ATXN7L1: variants seen among roughly 807,000 people sequenced by gnomAD.
ATXN7L1 encodes ataxin-7-like protein 1.
Under a neutral mutation model 70.8 loss-of-function variants are expected in ATXN7L1, and 15 were observed. The observed-to-expected ratio is 0.21, with a 90% CI of 0.14 to 0.33. The LOEUF is 0.33. Ranked by LOEUF, ATXN7L1 falls within the 10% of genes least tolerant of loss-of-function variation. The probability of loss-of-function intolerance (pLI) is 1.00; values close to 1 mark genes in which losing one functional copy is unlikely to be tolerated. For synonymous variants in ATXN7L1, 440 were observed against 445.1 expected (o/e 0.99, Z 0.14); for missense variants, 975 against 1,097.1 (o/e 0.89, Z 1.57).
At chr7:105,869,767 C>T (rs1817976030) in intron 2 of ATXN7L1, among the ~76,000 whole-genome samples, 1 of 152,110 alleles carries the variant, frequency 6.6e-6, no homozygotes, top group Admixed American at 6.5e-5. Flanking sequence ...CAAGTGTAGG[C>T]TTCCAAGAGA....
intron 3 of ATXN7L1, among the ~76,000 whole-genome samples, chr7:105,771,056 TG>T (rs1168508954): frequency 1.3e-5 from 2 of 151,752 alleles, no homozygotes; most frequent in Non-Finnish European, 2.9e-5. Flanking sequence ...AAAAATCAGC[TG>T]GGTGTGGTGG....
chr7:105,752,364 A>C (rs1259540257), intron 3 of ATXN7L1, among the ~76,000 whole-genome samples: 1 of 152,180 alleles, frequency 6.6e-6, no homozygotes, highest in Non-Finnish European at 1.5e-5. Context: ...ATGAGTGACA[A>C]CGTATGTGTT....
chr7:105,736,308 C>T (rs1030009695), intron 3 of ATXN7L1, among the ~76,000 whole-genome samples: 2 of 152,224 alleles, frequency 1.3e-5, no homozygotes, highest in African/African-American at 4.8e-5. Context: ...GAACTGCTTG[C>T]CACGTGTGCT....
At chr7:105,646,744 G>A (rs1301533135) in intron 4 of ATXN7L1, among the ~76,000 whole-genome samples, 2 of 131,288 alleles carry the variant, frequency 1.5e-5, no homozygotes, top group Non-Finnish European at 1.5e-5. Context: ...GACCAGCCTG[G>A]ACAACACCGT....
rs1001389393 is a variant in ATXN7L1 at position 105,821,934 on chromosome 7, C to T, written c.251-33226G>A. Among the ~76,000 whole-genome samples the T allele has an allele frequency of 4.6e-5, 7 of 152,322 alleles. No individual in the cohort carries two copies. In the East Asian group the frequency reaches 9.6e-4, roughly 21 times the overall value. ...ACGCCAGAAATGCAGTTTTGCTATA[C>T]GGTGACATTGCACATACTCCAAGTG... On this transcript the variant is annotated intron_variant, in intron 2 of 11. Transcript: ENST00000419735.
At chr7:105,684,675 C>T (rs929613737) in intron 3 of ATXN7L1, among the ~76,000 whole-genome samples, 2 of 152,190 alleles carry the variant, frequency 1.3e-5, no homozygotes, top group Non-Finnish European at 2.9e-5. Context: ...TCTGCTCTCC[C>T]TCCCAAATCT....
intron 3 of ATXN7L1, among the ~76,000 whole-genome samples, chr7:105,772,739 A>T (rs934071904): frequency 6.6e-6 from 1 of 152,224 alleles, no homozygotes; most frequent in African/African-American, 2.4e-5. Flanking sequence ...CAAACAAAAA[A>T]TGGCAAGAAT....
At chr7:105,861,310 G>A (rs1024984627) in intron 2 of ATXN7L1, among the ~76,000 whole-genome samples, 3 of 152,132 alleles carry the variant, frequency 2.0e-5, no homozygotes, top group African/African-American at 7.2e-5. Flanking sequence ...ATTTTCAGAA[G>A]ATTAATTTTT....
At chr7:105,706,646 C>T (rs1563023049) in intron 3 of ATXN7L1, among the ~76,000 whole-genome samples, 1 of 152,244 alleles carries the variant, frequency 6.6e-6, no homozygotes, top group Admixed American at 6.5e-5. Flanking sequence ...CTATGCCAGC[C>T]ACCAGCATCC....
intron 3 of ATXN7L1, among the ~76,000 whole-genome samples, chr7:105,737,760 G>A (rs1454358531): frequency 1.3e-5 from 2 of 152,136 alleles, no homozygotes; most frequent in East Asian, 1.9e-4. Context: ...ATGAAGGGGC[G>A]GAAGGAGTAA....
intron 7 of ATXN7L1, among the ~76,000 whole-genome samples, chr7:105,635,285 A>T (rs1407007590): frequency 6.6e-6 from 1 of 152,194 alleles, no homozygotes; most frequent in Non-Finnish European, 1.5e-5. Context: ...TGGAGCAAGC[A>T]ATGTGTTCCT....
chr7:105,637,455 T>A (rs2115892430), intron 7 of ATXN7L1, among the ~76,000 whole-genome samples: 1 of 152,340 alleles, frequency 6.6e-6, no homozygotes, highest in East Asian at 1.9e-4. Context: ...TTCCTTTTTA[T>A]AAAAATTATG....
At chr7:105,790,714 T>TCTAC (rs1805097225) in intron 2 of ATXN7L1, among the ~76,000 whole-genome samples, 1 of 150,974 alleles carries the variant, frequency 6.6e-6, no homozygotes, top group Admixed American at 6.6e-5. Flanking sequence ...TATCTATCTA[T>TCTAC]CTATCTGACA....
At chr7:105,802,156 G>C (rs1585040341) in intron 2 of ATXN7L1, among the ~76,000 whole-genome samples, 1 of 152,154 alleles carries the variant, frequency 6.6e-6, no homozygotes, top group East Asian at 1.9e-4. Context: ...CTGCAGTCTT[G>C]ATACCCAAGT....
intron 3 of ATXN7L1, among the ~76,000 whole-genome samples, chr7:105,685,177 C>T (rs988110837): frequency 1.3e-5 from 2 of 152,136 alleles, no homozygotes; most frequent in African/African-American, 4.8e-5. Context: ...GGAGCACTGA[C>T]ATCCAAGAGC....
intron 3 of ATXN7L1, among the ~76,000 whole-genome samples, chr7:105,767,873 C>T (rs1318614357): frequency 6.6e-6 from 1 of 152,232 alleles, no homozygotes; most frequent in Non-Finnish European, 1.5e-5. Context: ...TTCTCCAGTC[C>T]ACCCCTCTGG....
At chr7:105,825,866 C>T (rs767713360) in intron 2 of ATXN7L1, among the ~76,000 whole-genome samples, 1 of 152,046 alleles carries the variant, frequency 6.6e-6, no homozygotes, top group Non-Finnish European at 1.5e-5. Flanking sequence ...TGGATAGATT[C>T]AGATACTTGA....
chr7:105,803,050 TC>T (rs1200189125), intron 2 of ATXN7L1, among the ~76,000 whole-genome samples: 1 of 152,202 alleles, frequency 6.6e-6, no homozygotes, highest in Non-Finnish European at 1.5e-5. Flanking sequence ...CTTGGAGTTG[TC>T]TGTATTGGTA....
At chr7:105,652,040 TAAG>T (rs1799927557) in intron 4 of ATXN7L1, among the ~76,000 whole-genome samples, 2 of 152,082 alleles carry the variant, frequency 1.3e-5, no homozygotes, top group Admixed American at 6.5e-5. Flanking sequence ...GCTGGGAGAA[TAAG>T]GAGTGCTAAG....
Sources: allele counts gnomAD v4.1 joint callset (sites outside exome capture counted in the v4.1 genomes callset), GRCh38; gene constraint gnomAD v4.1.1; transcripts MANE v1.5; gene names NCBI Gene and HGNC (gene_info 2026-07-23, HGNC 2026-07-21).